TCF20: variants seen among roughly 807,000 people sequenced by gnomAD.
The protein encoded by TCF20 is SPRE-binding protein.
A neutral mutation model predicts 148.6 loss-of-function variants in TCF20; 3 were observed. The ratio of observed to expected loss-of-function variants is 0.02; its 90% CI spans 0.01 to 0.05. TCF20 has a LOEUF of 0.05. Ranked by LOEUF, TCF20 falls within the 10% of genes least tolerant of loss-of-function variation. TCF20 has a pLI of 1.00. For missense variants in TCF20, 2,350 were observed against 2,429.3 expected (o/e 0.97, Z 0.69); for synonymous variants, 1,049 against 909.5 (o/e 1.15, Z -2.76).
chr22:42,242,520 C>T (rs533776549), intron 1 of TCF20, among the ~76,000 whole-genome samples: 8 of 152,010 alleles, frequency 5.3e-5, no homozygotes, highest in South Asian at 4.2e-4. Context: ...ACTATATAGA[C>T]GAACTTACAA....
chr22:42,225,050 C>G (rs1922746154), intron 1 of TCF20, among the ~76,000 whole-genome samples: 1 of 142,034 alleles, frequency 7.0e-6, no homozygotes, highest in East Asian at 2.1e-4. Context: ...TGCTGGAGTG[C>G]AGTGGTGCAA....
chr22:42,231,797 C>T (rs1248718004), intron 1 of TCF20, among the ~76,000 whole-genome samples: 4 of 151,488 alleles, frequency 2.6e-5, no homozygotes, highest in East Asian at 3.9e-4. Flanking sequence ...GGTGTGGTGG[C>T]GGGCACCTGT....
At chr22:42,256,108 C>A (rs897532020) in intron 1 of TCF20, among the ~76,000 whole-genome samples, 1 of 152,188 alleles carries the variant, frequency 6.6e-6, no homozygotes, top group Non-Finnish European at 1.5e-5. Flanking sequence ...CCTCCTCTAC[C>A]GGCTTCTCCA....
intron 2 of TCF20, among the ~76,000 whole-genome samples, chr22:42,203,682 C>T (rs564966618): frequency 1.3e-5 from 2 of 152,232 alleles, no homozygotes; most frequent in Admixed American, 6.5e-5. Flanking sequence ...AGGGCGCCAC[C>T]GCCTAGAGAG....
chr22:42,179,434 G>A (rs1330689340), intron 3 of TCF20, among the ~76,000 whole-genome samples, 175 bp downstream of exon 3: 1 of 148,398 alleles, frequency 6.7e-6, no homozygotes, highest in Non-Finnish European at 1.5e-5. Context: ...AGGGACTGGA[G>A]GGAAGGGAAG....
chr22:42,226,340 G>C (rs971342989), intron 1 of TCF20, among the ~76,000 whole-genome samples: 4 of 152,196 alleles, frequency 2.6e-5, no homozygotes, highest in African/African-American at 9.7e-5. Context: ...AACCTTCAGA[G>C]GCAAAAGGGA....
chr22:42,334,647 T>G (rs1928035352), intron 1 of TCF20, among the ~76,000 whole-genome samples: 1 of 152,202 alleles, frequency 6.6e-6, no homozygotes, highest in African/African-American at 2.4e-5. Context: ...CACTGGCGCC[T>G]GTCATGAGCC....
At chr22:42,302,998 C>G (rs1927365659) in intron 1 of TCF20, among the ~76,000 whole-genome samples, 1 of 152,206 alleles carries the variant, frequency 6.6e-6, no homozygotes, top group African/African-American at 2.4e-5. Context: ...GGCACAATCT[C>G]CGCTCACTGC....
chr22:42,186,090 T>C (rs1937032935), intron 2 of TCF20, among the ~76,000 whole-genome samples: 1 of 152,370 alleles, frequency 6.6e-6, no homozygotes, highest in Non-Finnish European at 1.5e-5. Flanking sequence ...TCAATTATGA[T>C]GTCAGTATGA....
chr22:42,210,153 C>G lies in TCF20; in HGVS notation c.5153G>C (p.Gly1718Ala). ...GGGATAAAAAGGTCCAAAGAGGTCA[C>G]CCATGTTCCGGTAACTGGCCCACTT... ...CGKWASYRNM[G>A]DLFGPFYPQD... The change falls in exon 2 of 6, where the codon GGT becomes GCT. Residue 1718 changes from glycine (G) to alanine (A), a missense_variant. By Grantham distance (60) the Gly-to-Ala change is moderately conservative (BLOSUM62 0). This residue lies in a region of TCF20 where 374 missense variants were observed against 398.3 expected (regional missense o/e 0.94). Coordinates refer to ENST00000677622, the MANE Select transcript of TCF20 (RefSeq NM_001378418.1). This position sits in a 1 kb window ranked among gnomAD's most constrained non-coding sequence, Gnocchi z 4.7. 6.2e-7 allele frequency: 1 copy of G among 1,614,178 alleles called. No individual in the cohort carries two copies. Among genetic ancestry groups the G allele is most frequent in the Non-Finnish European group, 8.5e-7 (1 of 1,180,038 alleles).
Position 42,212,766 on chromosome 22 carries a change from A to C in TCF20, c.2540T>G (p.Ile847Arg). 1.2e-6 allele frequency: 2 copies of C among 1,614,168 alleles called. No individual in the cohort carries two copies. The highest frequency in any genetic ancestry group is 1.6e-4 in the Middle Eastern group (1 of 6,062). Residue 847 changes from isoleucine (I) to arginine (R), a missense_variant, in exon 2 of 6, where the codon ATA (isoleucine) becomes AGA (arginine). Physicochemically the swap from Ile to Arg is moderately conservative, Grantham distance 97 (BLOSUM62 -3). This residue lies in a region of TCF20 where 1,641 missense variants were observed against 1,662.6 expected (regional missense o/e 0.99). Coordinates refer to ENST00000677622, the MANE Select transcript of TCF20 (RefSeq NM_001378418.1). ...TDYPIPRKFE[I>R]EPQSSAHEPG... Reference sequence around the variant, plus strand: ...CTCATGTGCTGATGACTGAGGCTCTATTTCAAACTTTCTGGGAATTGGATA... The same window carrying C: ...CTCATGTGCTGATGACTGAGGCTCTCTTTCAAACTTTCTGGGAATTGGATA...
intron 5 of TCF20, among the ~76,000 whole-genome samples, chr22:42,164,360 G>A (rs1050102147): frequency 2.6e-5 from 4 of 151,774 alleles, no homozygotes; most frequent in Admixed American, 6.6e-5. Flanking sequence ...GACTACAGGC[G>A]CCCACCACCA....
At chr22:42,321,240 C>A (rs1180858171) in intron 1 of TCF20, among the ~76,000 whole-genome samples, 1 of 152,212 alleles carries the variant, frequency 6.6e-6, no homozygotes, top group African/African-American at 2.4e-5. Flanking sequence ...GAGGGAACGC[C>A]TGGCACCAGG....
chr22:42,315,761 T>C (rs1450060879), intron 1 of TCF20, among the ~76,000 whole-genome samples: 1 of 151,860 alleles, frequency 6.6e-6, no homozygotes, highest in Non-Finnish European at 1.5e-5. Context: ...GAACCAGAGG[T>C]AGCCCCAGGT....
At chr22:42,266,345 C>T (rs1335926212) in intron 1 of TCF20, among the ~76,000 whole-genome samples, 3 of 152,176 alleles carry the variant, frequency 2.0e-5, no homozygotes, top group African/African-American at 7.2e-5. Flanking sequence ...AGCACAAAAG[C>T]TTGTTTTTTA....
At chr22:42,186,160 C>T (rs1937035630) in intron 2 of TCF20, among the ~76,000 whole-genome samples, 1 of 152,184 alleles carries the variant, frequency 6.6e-6, no homozygotes, top group African/African-American at 2.4e-5. Context: ...ACAAAAGTTC[C>T]AGGCTTGACT....
At chr22:42,280,566 G>A (rs2147015953) in intron 1 of TCF20, among the ~76,000 whole-genome samples, 1 of 152,324 alleles carries the variant, frequency 6.6e-6, no homozygotes, top group Non-Finnish European at 1.5e-5. Flanking sequence ...TCAGGGTGGG[G>A]AGAGACTATT....
At chr22:42,286,650 A>G (rs1279366695), upstream of TCF20, among the ~76,000 whole-genome samples, 4 of 152,206 alleles carry the variant, frequency 2.6e-5, no homozygotes, top group African/African-American at 9.6e-5. Context: ...ACAGTCTGAG[A>G]GAGATGTGCT....
chr22:42,229,533 G>A (rs749712443), intron 1 of TCF20, among the ~76,000 whole-genome samples: 14 of 152,170 alleles, frequency 9.2e-5, no homozygotes, highest in African/African-American at 3.1e-4. Context: ...CTGCAAGAGA[G>A]TAACGCAGGT....
Sources: allele counts gnomAD v4.1 joint callset (sites outside exome capture counted in the v4.1 genomes callset), GRCh38; gene constraint gnomAD v4.1.1; regional missense constraint gnomAD v4.1.1; non-coding constraint Gnocchi (gnomAD v3.1); transcripts MANE v1.5; gene names NCBI Gene and HGNC (gene_info 2026-07-23, HGNC 2026-07-21).